STXBP5L: variants seen among roughly 807,000 people sequenced by gnomAD.
The protein encoded by STXBP5L is syntaxin binding protein 5L.
A neutral mutation model predicts 144.5 loss-of-function variants in STXBP5L; 65 were observed. The ratio of observed to expected loss-of-function variants is 0.45; its 90% CI spans 0.37 to 0.55. The LOEUF is 0.55. Ranked by LOEUF, STXBP5L falls within the 20% of genes least tolerant of loss-of-function variation. STXBP5L has a pLI of 0.00. For synonymous variants in STXBP5L, 505 were observed against 469.6 expected (o/e 1.08, Z -0.97); for missense variants, 1,298 against 1,405.5 (o/e 0.92, Z 1.22).
In STXBP5L at chr3:120,954,936, T is replaced by A. The variant is rs1339310309; in HGVS notation, c.190-4T>A. On this transcript the variant is annotated splice_region_variant and splice_polypyrimidine_tract_variant and intron_variant, in intron 2 of 26. Transcript: ENST00000471454. The stretch of plus-strand genomic sequence containing the variant: ...ACTTATTGGTATTATTTGCTCTCTT[T>A]CAGACAGTTCGGCATGGTTTTCCTC... The A allele has an allele frequency of 6.2e-7, 1 of 1,611,314 alleles. No homozygotes were observed. The highest frequency in any genetic ancestry group is 8.5e-7 in the Non-Finnish European group (1 of 1,178,320).
At chr3:121,032,415 T>C (rs1357732992) in intron 3 of STXBP5L, among the ~76,000 whole-genome samples, 1 of 152,144 alleles carries the variant, frequency 6.6e-6, no homozygotes, top group Non-Finnish European at 1.5e-5. Context: ...AAGTTGTTAT[T>C]CGTGACCTTA....
intron 5 of STXBP5L, among the ~76,000 whole-genome samples, chr3:121,051,329 G>A (rs912066226): frequency 6.6e-6 from 1 of 151,958 alleles, no homozygotes; most frequent in Non-Finnish European, 1.5e-5. Context: ...TGACCACATA[G>A]TTGGAAGTAA....
At chr3:121,288,144 T>G (rs1366697928) in intron 19 of STXBP5L, among the ~76,000 whole-genome samples, 1 of 152,212 alleles carries the variant, frequency 6.6e-6, no homozygotes. Flanking sequence ...CCAGCTCTAT[T>G]CATGTTGCTG....
chr3:120,945,764 T>C (rs1710819553), intron 2 of STXBP5L, among the ~76,000 whole-genome samples: 1 of 151,796 alleles, frequency 6.6e-6, no homozygotes. Flanking sequence ...ATCAGTTCAT[T>C]GGTGGAAACG....
At chr3:121,352,626 A>C (rs1306944686) in intron 20 of STXBP5L, among the ~76,000 whole-genome samples, 2 of 152,134 alleles carry the variant, frequency 1.3e-5, no homozygotes, top group Non-Finnish European at 2.9e-5. Flanking sequence ...TGTCATCTGC[A>C]AACAGGGACA....
At chr3:121,162,874 A>G (rs1433054512) in intron 9 of STXBP5L, among the ~76,000 whole-genome samples, 10 of 152,248 alleles carry the variant, frequency 6.6e-5, no homozygotes, top group African/African-American at 2.2e-4. Context: ...ACAATGAGAT[A>G]CCATCTCACA....
At chr3:121,049,850 C>T (rs1947820962) in intron 5 of STXBP5L, 3 of 152,676 alleles carry the variant, frequency 2.0e-5, no homozygotes, top group African/African-American at 4.8e-5. Flanking sequence ...TCTGTGAGTA[C>T]CTGAGTGATG....
intron 3 of STXBP5L, among the ~76,000 whole-genome samples, chr3:120,996,761 A>T (rs1442930318): frequency 1.3e-5 from 2 of 152,016 alleles, no homozygotes; most frequent in Non-Finnish European, 2.9e-5. Context: ...CTCCACATTC[A>T]TCCATGTTGT....
intron 5 of STXBP5L, among the ~76,000 whole-genome samples, chr3:121,072,927 A>T (rs755100706): frequency 6.6e-6 from 1 of 152,168 alleles, no homozygotes; most frequent in East Asian, 1.9e-4. Context: ...TTGAGTCAGT[A>T]TAGATGTTTA....
intron 19 of STXBP5L, among the ~76,000 whole-genome samples, chr3:121,302,030 G>A (rs1345743852): frequency 4.6e-5 from 7 of 152,124 alleles, no homozygotes; most frequent in Admixed American, 2.0e-4. Context: ...GTCTCTGCCC[G>A]GCTTTGGTAT....
chr3:121,190,455 T>G (rs2047597053), intron 9 of STXBP5L, among the ~76,000 whole-genome samples: 1 of 152,224 alleles, frequency 6.6e-6, no homozygotes, highest in Admixed American at 6.5e-5. Context: ...GTCTACCCCC[T>G]TCAACACAGA....
chr3:121,019,676 C>T (rs2108202803), intron 3 of STXBP5L, among the ~76,000 whole-genome samples: 1 of 152,240 alleles, frequency 6.6e-6, no homozygotes, highest in South Asian at 2.1e-4. Context: ...AGAGAAATAA[C>T]AATCGCACAG....
At chr3:121,338,100 GTC>G (rs1373750897) in intron 20 of STXBP5L, among the ~76,000 whole-genome samples, 2 of 152,072 alleles carry the variant, frequency 1.3e-5, no homozygotes, top group African/African-American at 2.4e-5. Flanking sequence ...ACATCAAAAA[GTC>G]TGAAATGAAA....
chr3:121,229,052 T>TA (rs1338515720), intron 11 of STXBP5L, among the ~76,000 whole-genome samples: 1 of 152,220 alleles, frequency 6.6e-6, no homozygotes, highest in Non-Finnish European at 1.5e-5. Context: ...ATTTCCTTCA[T>TA]AAGTTCCCAT....
At chr3:121,218,191 G>C (rs917104521) in intron 10 of STXBP5L, among the ~76,000 whole-genome samples, 1 of 135,832 alleles carries the variant, frequency 7.4e-6, no homozygotes, top group Non-Finnish European at 1.5e-5. Context: ...GTATGATATA[G>C]TATATATATT....
intron 20 of STXBP5L, among the ~76,000 whole-genome samples, chr3:121,335,164 TA>T (rs1304123272): frequency 6.6e-6 from 1 of 151,976 alleles, no homozygotes; most frequent in African/African-American, 2.4e-5. Context: ...ACACCAACAA[TA>T]GCCAAACCAA....
Position 121,079,765 on chromosome 3 carries a change from G to T in STXBP5L, c.470+34230G>T, listed in dbSNP as rs536972521. On this transcript the variant is annotated intron_variant, in intron 5 of 26. Coordinates refer to ENST00000471454, the MANE Select transcript of STXBP5L (RefSeq NM_001308330.2). Reference sequence around the variant, plus strand: ...CCTGTCATGGTCTATCTTGGAGAATGTTCCCCACGCTGATGAGAAGAATGT... The same window carrying T: ...CCTGTCATGGTCTATCTTGGAGAATTTTCCCCACGCTGATGAGAAGAATGT... 2.6e-5 allele frequency among the ~76,000 whole-genome samples: 4 copies of T among 152,290 alleles called. No individual in the cohort carries two copies. The South Asian group carries it at 8.3e-4, about 32-fold the overall frequency.
chr3:121,189,425 C>G (rs2047543185), intron 9 of STXBP5L, among the ~76,000 whole-genome samples: 1 of 152,192 alleles, frequency 6.6e-6, no homozygotes, highest in Non-Finnish European at 1.5e-5. Flanking sequence ...GATCCAGTTT[C>G]AGCTCTCTAC....
intron 5 of STXBP5L, among the ~76,000 whole-genome samples, chr3:121,097,922 C>G (rs964059555): frequency 2.6e-5 from 4 of 152,154 alleles, no homozygotes; most frequent in Non-Finnish European, 5.9e-5. Context: ...AGGGGTTATA[C>G]TGTTGGTTTA....
Sources: gnomAD v4.1 joint callset for allele counts (sites outside exome capture counted in the v4.1 genomes callset) on GRCh38, gnomAD v4.1.1 for gene constraint, MANE v1.5 for transcripts, NCBI Gene and HGNC (gene_info 2026-07-23, HGNC 2026-07-21) for gene names.